The following HYDIN variants were observed in gnomAD, a reference collection of about 807,000 sequenced individuals.
HYDIN encodes HYDIN axonemal central pair apparatus protein, also known as axonemal central pair apparatus protein HYDIN.
Under a neutral mutation model 403.9 loss-of-function variants are expected in HYDIN, and 132 were observed. The ratio of observed to expected loss-of-function variants is 0.33; its 90% CI spans 0.28 to 0.38. The LOEUF (loss-of-function observed/expected upper bound fraction) is 0.38. Among genes scored for constraint, HYDIN ranks in the 10% least tolerant of loss-of-function variants. The pLI is 1.00. For synonymous variants in HYDIN, 1,202 were observed against 1,891.7 expected, an observed-to-expected ratio of 0.64 and a Z score of 9.46; for missense variants, 2,827 against 5,009.5, an observed-to-expected ratio of 0.56 and a Z score of 13.15.
At chr16:71,217,320 C>T (rs1268707798) in intron 1 of HYDIN, among the ~76,000 whole-genome samples, 1 of 152,142 alleles carries the variant, frequency 6.6e-6, no homozygotes, top group African/African-American at 2.4e-5. Flanking sequence ...ACAGGTACCT[C>T]TACATTGATG....
At chr16:71,157,614 T>A (rs1157060118) in intron 6 of HYDIN, among the ~76,000 whole-genome samples, 1 of 152,248 alleles carries the variant, frequency 6.6e-6, no homozygotes, top group Non-Finnish European at 1.5e-5. Context: ...AGGGACTGAC[T>A]GGTAGGACTT....
intron 62 of HYDIN, among the ~76,000 whole-genome samples, chr16:70,878,549 AT>A (rs2040585372): frequency 6.8e-6 from 1 of 146,996 alleles, no homozygotes; most frequent in African/African-American, 2.7e-5. Context: ...AAGTTGCTCC[AT>A]TACTGTATCC....
At chr16:71,171,481 C>T (rs928962244) in intron 5 of HYDIN, among the ~76,000 whole-genome samples, 10 of 152,206 alleles carry the variant, frequency 6.6e-5, no homozygotes, top group Non-Finnish European at 1.5e-4. Context: ...GGATCTGGCT[C>T]AGAAAACTGG....
At chr16:71,175,969 T>C in intron 4 of HYDIN, 2 of 546,478 alleles carry the variant, frequency 3.7e-6, no homozygotes, top group Non-Finnish European at 6.5e-6. Context: ...TAGTTATTTT[T>C]ATTATTATTA....
intron 41 of HYDIN, among the ~76,000 whole-genome samples, chr16:70,945,642 G>A (rs1465004922): frequency 6.6e-6 from 1 of 152,220 alleles, no homozygotes; most frequent in Admixed American, 6.5e-5. Context: ...AGATTGAGAA[G>A]CTGGGGAAGT....
At chr16:70,875,798 G>A (rs1208528523) in intron 62 of HYDIN, among the ~76,000 whole-genome samples, 1 of 152,068 alleles carries the variant, frequency 6.6e-6, no homozygotes, top group Admixed American at 6.6e-5. Flanking sequence ...GATTTTTAAA[G>A]GAACGTTATA....
At chr16:70,932,009 CA>C (rs57391181) in intron 45 of HYDIN, among the ~76,000 whole-genome samples, 2,196 of 28,940 alleles carry the variant, frequency 0.076, 9 homozygotes, top group African/African-American at 0.13. Flanking sequence ...AGACTTGTAT[CA>C]AAAAAAAAAA....
At chr16:70,909,982 G>C (rs567895917) in intron 47 of HYDIN, among the ~76,000 whole-genome samples, 6 of 150,906 alleles carry the variant, frequency 4.0e-5, no homozygotes, top group Non-Finnish European at 8.9e-5. Context: ...GTGAGCCACC[G>C]CGCCTGGCCT....
chr16:70,898,329 G>A (rs1242192319), intron 53 of HYDIN, among the ~76,000 whole-genome samples: 3 of 152,196 alleles, frequency 2.0e-5, no homozygotes, highest in Non-Finnish European at 2.9e-5. Context: ...ACTAGAGGAC[G>A]AAGCTGGCAC....
chr16:70,951,283 A>G (rs1597397011), intron 41 of HYDIN, among the ~76,000 whole-genome samples: 1 of 141,424 alleles, frequency 7.1e-6, no homozygotes, highest in African/African-American at 2.5e-5. Context: ...AGAGAGAGGG[A>G]GAGAGGGAGA....
At chr16:70,939,440 G>C (rs990633669) in intron 43 of HYDIN, among the ~76,000 whole-genome samples, 1 of 151,926 alleles carries the variant, frequency 6.6e-6, no homozygotes, top group Non-Finnish European at 1.5e-5. Context: ...TTAAATTGTG[G>C]GCTCTTCTCC....
intron 41 of HYDIN, among the ~76,000 whole-genome samples, chr16:70,946,071 G>A (rs1597386055): frequency 6.7e-6 from 1 of 149,530 alleles, no homozygotes; most frequent in Middle Eastern, 3.4e-3. Context: ...TAGAGTAGGG[G>A]GAAAGTGGGA....
chr16:71,122,994 A>T (rs2084316279), intron 9 of HYDIN, among the ~76,000 whole-genome samples: 1 of 85,374 alleles, frequency 1.2e-5, no homozygotes, highest in South Asian at 5.1e-4. Context: ...AGTATTCAGA[A>T]AATTGCTGCA....
At chr16:71,110,368 TATAAA>T (rs1017081122) in intron 10 of HYDIN, among the ~76,000 whole-genome samples, 6 of 139,340 alleles carry the variant, frequency 4.3e-5, no homozygotes, top group Non-Finnish European at 7.6e-5. Flanking sequence ...TATATTTATA[TATAAA>T]ATAAAATACA....
chr16:70,839,977 T>C (rs78525536), intron 76 of HYDIN, 87 bp downstream of exon 76: 1 of 882,846 alleles, frequency 1.1e-6, no homozygotes, highest in East Asian at 2.7e-5. Context: ...TTTTTTTTTT[T>C]TGTCTTGGCA....
At position 70,907,448 on chromosome 16, in the gene HYDIN, C is replaced by T. The variant is rs1192203958; in HGVS notation, c.8440G>A (p.Val2814Ile). The change falls in exon 50 of 86, where the codon GTC becomes ATC. Residue 2814 changes from valine to isoleucine, a missense_variant. Transcript: ENST00000393567. ...QRKMDMKTNE[V>I]IFKKYVMSTE... ...CTCATAACATACTTCTTAAAGATGA[C>T]CTCATTTGTCTTCATGTCCATCTTC... is the stretch of plus-strand genomic sequence containing the variant. The T allele has an allele frequency of 1.7e-6, 1 of 593,776 alleles. No homozygotes were observed. Among genetic ancestry groups the T allele is most frequent in the Non-Finnish European group, 3.0e-6 (1 of 337,880 alleles). The allele number at this position is 593,776 out of a possible 1,614,324, so 36.8% of individuals were successfully genotyped here. A position where few individuals can be genotyped will look rare whatever the true frequency, so the allele number is the denominator to read the frequency against.
chr16:71,226,112 G>A (rs561054877), intron 1 of HYDIN, among the ~76,000 whole-genome samples: 1 of 152,218 alleles, frequency 6.6e-6, no homozygotes, highest in African/African-American at 2.4e-5. Flanking sequence ...ATTCAATTTT[G>A]AAAAATAAGA....
chr16:70,856,556 T>C (rs2039035814), intron 72 of HYDIN, among the ~76,000 whole-genome samples: 2 of 148,508 alleles, frequency 1.3e-5, no homozygotes, highest in East Asian at 2.0e-4. Flanking sequence ...CATTTTGCTA[T>C]TAGAGTTTTT....
At chr16:70,888,406 TG>T (rs2041272614) in intron 58 of HYDIN, among the ~76,000 whole-genome samples, 1 of 152,104 alleles carries the variant, frequency 6.6e-6, no homozygotes, top group Non-Finnish European at 1.5e-5. Context: ...TACTGCCAGA[TG>T]GGGGCAGTAG....
Sources: allele counts gnomAD v4.1 joint callset (sites outside exome capture counted in the v4.1 genomes callset), GRCh38; gene constraint gnomAD v4.1.1; transcripts MANE v1.5; gene names NCBI Gene and HGNC (gene_info 2026-07-23, HGNC 2026-07-21).